Variants in ZFYVE26 observed in about 807,000 individuals in gnomAD.
ZFYVE26 encodes zinc finger FYVE domain-containing protein 26.
Under a neutral mutation model 276.5 loss-of-function variants are expected in ZFYVE26, and 181 were observed. The observed-to-expected ratio is 0.65, with a 90% CI of 0.58 to 0.74. The LOEUF (loss-of-function observed/expected upper bound fraction) is 0.74. ZFYVE26 is among the 30% of genes least tolerant of loss of function. ZFYVE26 has a pLI of 0.00. For missense variants in ZFYVE26, 2,821 were observed against 3,097.9 expected, an observed-to-expected ratio of 0.91 and a Z score of 2.12; for synonymous variants, 1,129 against 1,203.1, an observed-to-expected ratio of 0.94 and a Z score of 1.27.
chr14:67,743,352 CTTG>C (rs113868364), downstream of ZFYVE26, among the ~76,000 whole-genome samples: 24 of 151,928 alleles, frequency 1.6e-4, no homozygotes, highest in African/African-American at 5.5e-4. Flanking sequence ...GTAGCCCAGC[CTTG>C]TTGTGCACAC....
At chr14:67,757,374 C>T (rs1352392403) in intron 35 of ZFYVE26, among the ~76,000 whole-genome samples, 5 of 152,202 alleles carry the variant, frequency 3.3e-5, no homozygotes, top group African/African-American at 4.8e-5. Context: ...TCTGATAGTA[C>T]CCTGTCCTAG....
rs538540476 is a variant in ZFYVE26, at chr14:67,814,908, C to T, written c.195-844G>A. ...CTAATACAATATGTAAACAGTATAG[C>T]ATAACAGTCAAAGGAAGGAAAACCC... On this transcript the variant is annotated intron_variant, in intron 2 of 41. Transcript: ENST00000347230. Among the ~76,000 whole-genome samples the T allele has an allele frequency of 2.2e-4, 34 of 152,258 alleles. No individual in the cohort carries two copies. The South Asian group carries it at 7.0e-3, about 32-fold the overall frequency.
intron 4 of ZFYVE26, 37 bp from the exon 5 acceptor site, chr14:67,807,957 A>G: frequency 5.0e-6 from 8 of 1,612,476 alleles, no homozygotes; most frequent in Non-Finnish European, 6.8e-6. Context: ...GGTGGTGGGC[A>G]TGCCTGGAAT....
chr14:67,798,600 A>G lies in ZFYVE26; in HGVS notation c.1662T>C (p.Thr554=). The G allele has an allele frequency of 6.2e-7, 1 of 1,614,066 alleles. No individual in the cohort carries two copies. Among genetic ancestry groups the G allele is most frequent in the Non-Finnish European group, 8.5e-7 (1 of 1,180,044 alleles). The part of the protein sequence containing the change: ...SSPGAANLFS[T]YLARCQQYLC... ...GATACTGTTGACACCTGGCCAGGTA[A>G]GTTGAGAAGAGATTTGCAGCACCTA... The change falls in exon 11 of 42, where the codon ACT becomes ACC. Residue 554 remains threonine (T), a synonymous_variant. Coordinates refer to ENST00000347230, the MANE Select transcript of ZFYVE26 (RefSeq NM_015346.4).
At chr14:67,750,208 T>A (rs996818073) in intron 41 of ZFYVE26, among the ~76,000 whole-genome samples, 2 of 152,190 alleles carry the variant, frequency 1.3e-5, no homozygotes, top group African/African-American at 2.4e-5. Context: ...TCTGACATCA[T>A]CATGATGTTA....
chr14:67,778,350 T>A (rs1409984998), intron 23 of ZFYVE26, 102 bp from the exon 24 acceptor site: 11 of 1,456,016 alleles, frequency 7.6e-6, no homozygotes, highest in Non-Finnish European at 1.1e-5. Context: ...TAAGTGCTGA[T>A]GGGAACTTCA....
Position 67,766,388 on chromosome 14 carries a change from A to C in ZFYVE26, c.5850T>G (p.Cys1950Trp). The C allele has an allele frequency of 6.2e-7, 1 of 1,612,708 alleles. No homozygotes were observed. The highest frequency in any genetic ancestry group is 8.5e-7 in the Non-Finnish European group (1 of 1,180,010). Reference protein sequence around the residue: ...ILNLHRDSIACGHQLIEHCCR... With the variant: ...ILNLHRDSIAWGHQLIEHCCR... ...AGCAGTGCTCAATCAGCTGGTGACCACAGGCAATGCTGTCCCGGTGCAGAT... is the reference window on the plus strand; with the variant it reads ...AGCAGTGCTCAATCAGCTGGTGACCCCAGGCAATGCTGTCCCGGTGCAGAT... The change falls in exon 32 of 42, where the codon TGT (cysteine) becomes TGG (tryptophan). Residue 1950 changes from cysteine (C) to tryptophan (W), a missense_variant. By Grantham distance (215) the Cys-to-Trp change is radical. Transcript: ENST00000347230.
At chr14:67,733,232 G>A (rs1160884132) in intron 13 of ZFYVE26, among the ~76,000 whole-genome samples, 2 of 152,136 alleles carry the variant, frequency 1.3e-5, no homozygotes, top group Non-Finnish European at 2.9e-5. Flanking sequence ...CAAATCTGGA[G>A]GGCTTGGTCT....
At chr14:67,813,589 T>C (rs1239541365) in intron 3 of ZFYVE26, among the ~76,000 whole-genome samples, 1 of 152,180 alleles carries the variant, frequency 6.6e-6, no homozygotes, top group Admixed American at 6.5e-5. Context: ...ATCTATGAGA[T>C]GTCATGGAAT....
At chr14:67,752,631 A>G in intron 39 of ZFYVE26, 105 bp from the exon 40 acceptor site, 2 of 1,235,618 alleles carry the variant, frequency 1.6e-6, no homozygotes, top group Non-Finnish European at 2.3e-6. Context: ...GATAAGCCAT[A>G]TTGATTGTGG....
chr14:67,777,861 T>C, intron 24 of ZFYVE26, 126 bp from the exon 25 acceptor site: 1 of 1,289,016 alleles, frequency 7.8e-7, no homozygotes, highest in East Asian at 2.4e-5. Context: ...TATACTCCTT[T>C]TTTTTTTTAA....
At chr14:67,807,118 T>G (rs1402177873) in intron 5 of ZFYVE26, among the ~76,000 whole-genome samples, 4 of 151,998 alleles carry the variant, frequency 2.6e-5, no homozygotes, top group Non-Finnish European at 5.9e-5. Context: ...ATTTCTAAAT[T>G]TTTTTTGTAG....
chr14:67,785,292 G>T lies in ZFYVE26; in HGVS notation c.3305-15C>A, dbSNP rs759606708. 1.9e-6 allele frequency: 3 copies of T among 1,578,366 alleles called. No homozygotes were observed. The highest frequency in any genetic ancestry group is 2.6e-6 in the Non-Finnish European group (3 of 1,162,184). On this transcript the variant is annotated splice_polypyrimidine_tract_variant and intron_variant, in intron 18 of 41. Transcript: ENST00000347230. The stretch of plus-strand genomic sequence containing the variant: ...AGTCCTGGGCTCTGAGAGGAGGATG[G>T]CAGGAGAAAGGACACAGGCTTCAGT...
At chr14:67,799,128 G>A (rs1234935229) in intron 10 of ZFYVE26, 1 of 1,429,488 alleles carries the variant, frequency 7.0e-7, no homozygotes, top group Non-Finnish European at 9.9e-7. Flanking sequence ...GAGGCGTACT[G>A]GCGGCTACTC....
intron 41 of ZFYVE26, chr14:67,750,329 A>G (rs753452737): frequency 1.3e-5 from 2 of 154,170 alleles, no homozygotes; most frequent in Non-Finnish European, 2.9e-5. Flanking sequence ...GGAGCGTGTA[A>G]GAAGCTCTTT....
chr14:67,782,271 C>G (rs2235964), intron 21 of ZFYVE26, among the ~76,000 whole-genome samples: 21,144 of 152,212 alleles, frequency 0.14, 1,965 homozygotes, highest in Non-Finnish European at 0.21. Context: ...GGTCATCAAA[C>G]AGACCCACAA....
downstream of ZFYVE26, among the ~76,000 whole-genome samples, chr14:67,745,518 G>A (rs77188743): frequency 1.1e-3 from 164 of 151,490 alleles, no homozygotes; most frequent in Non-Finnish European, 2.1e-3. Flanking sequence ...TCATGTTTCC[G>A]GGGAAAGGAG....
At chr14:67,807,212 TA>T (rs2040199075) in intron 5 of ZFYVE26, among the ~76,000 whole-genome samples, 185 bp downstream of exon 5, 1 of 152,160 alleles carries the variant, frequency 6.6e-6, no homozygotes, top group Admixed American at 6.5e-5. Flanking sequence ...CCCAAAGTAC[TA>T]GGATTACAGG....
At chr14:67,732,124 C>T (rs112597617) in intron 13 of ZFYVE26, among the ~76,000 whole-genome samples, 1 of 110,534 alleles carries the variant, frequency 9.0e-6, no homozygotes, top group Non-Finnish European at 1.8e-5. Flanking sequence ...GAGACTCTGT[C>T]TCAAAAAAAA....
Sources: allele counts gnomAD v4.1 joint callset (sites outside exome capture counted in the v4.1 genomes callset), GRCh38; gene constraint gnomAD v4.1.1; transcripts MANE v1.5; gene names NCBI Gene and HGNC (gene_info 2026-07-23, HGNC 2026-07-21).